TVP23C: variants seen among roughly 807,000 people sequenced by gnomAD.
TVP23C encodes the protein Golgi apparatus membrane protein TVP23 homolog C.
A neutral mutation model predicts 28.7 loss-of-function variants in TVP23C; 19 were observed. The ratio of observed to expected loss-of-function variants is 0.66; its 90% CI spans 0.46 to 0.97. The LOEUF is 0.97. TVP23C is among the 50% of genes least tolerant of loss of function. The probability of loss-of-function intolerance (pLI) is 0.00; values close to 1 mark genes in which losing one functional copy is unlikely to be tolerated. For synonymous variants in TVP23C, 68 were observed against 81.7 expected (o/e 0.83, Z 0.90); for missense variants, 186 against 241.3 (o/e 0.77, Z 1.52).
At chr17:15,544,806 G>C (rs1228194677) in intron 5 of TVP23C, among the ~76,000 whole-genome samples, 3 of 151,914 alleles carry the variant, frequency 2.0e-5, no homozygotes, top group South Asian at 2.1e-4. Context: ...TCCAAAGAAG[G>C]AAAGTATGAA....
In TVP23C at chr17:15,538,822, A is replaced by T. The variant is rs1206203620; in HGVS notation, c.*1590T>A. On this transcript the variant is annotated 3_prime_UTR_variant, in exon 6 of 6. Coordinates refer to ENST00000518321, the MANE Select transcript of TVP23C (RefSeq NM_001135036.2). ...CTAACGAAAAAAACCTAATAAGCAC[A>T]TACATGAAAGTTACCCTAAGGTGGA... 4.1e-6 allele frequency: 4 copies of T among 985,300 alleles called. No individual in the cohort carries two copies. Among genetic ancestry groups the T allele is most frequent in the Non-Finnish European group, 2.4e-6 (2 of 829,940 alleles). The allele number at this position is 985,300 out of a possible 1,614,324, so 61.0% of individuals were successfully genotyped here. A position where few individuals can be genotyped will look rare whatever the true frequency, so the allele number is the denominator to read the frequency against.
At chr17:15,505,379 C>T (rs1287919153) in intron 5 of TVP23C, among the ~76,000 whole-genome samples, 1 of 152,180 alleles carries the variant, frequency 6.6e-6, no homozygotes, top group African/African-American at 2.4e-5. Context: ...CAGGCAGTGA[C>T]GCCTACTGGT....
chr17:15,503,835 C>T (rs185307924), intron 5 of TVP23C, among the ~76,000 whole-genome samples: 1 of 151,790 alleles, frequency 6.6e-6, no homozygotes, highest in Non-Finnish European at 1.5e-5. Context: ...CTATCCCAAA[C>T]AGAAGGAAGC....
chr17:15,553,926 A>T, intron 2 of TVP23C, 97 bp from the exon 3 acceptor site: 1 of 1,579,078 alleles, frequency 6.3e-7, no homozygotes, highest in African/African-American at 1.4e-5. Flanking sequence ...GTAACTGTGA[A>T]GAGTTTTGTC....
At chr17:15,544,411 T>C (rs531259530) in intron 5 of TVP23C, among the ~76,000 whole-genome samples, 2 of 152,164 alleles carry the variant, frequency 1.3e-5, no homozygotes, top group African/African-American at 4.8e-5. Context: ...TTATAAAACT[T>C]GGTAACACAA....
chr17:15,511,206 G>T (rs983509411), intron 5 of TVP23C, among the ~76,000 whole-genome samples: 1 of 152,050 alleles, frequency 6.6e-6, no homozygotes, highest in Admixed American at 6.6e-5. Context: ...GAGGTTTTAT[G>T]AAAATAAAAT....
At chr17:15,528,348 C>A (rs549089280) in intron 5 of TVP23C, among the ~76,000 whole-genome samples, 2 of 151,642 alleles carry the variant, frequency 1.3e-5, no homozygotes, top group Non-Finnish European at 3.0e-5. Flanking sequence ...GTGATTTCTT[C>A]TTTGACCCAC....
rs1369210331 is a variant in TVP23C, at chr17:15,538,910, C to T, written c.*1502G>A. The T allele has an allele frequency of 2.0e-6, 2 of 985,710 alleles. No homozygotes were observed. The highest frequency in any genetic ancestry group is 2.4e-6 in the Non-Finnish European group (2 of 829,930). The allele number at this position is 985,710 out of a possible 1,614,324, so 61.1% of individuals were successfully genotyped here. Reference sequence around the variant, plus strand: ...TCAGAATGAGATGATCATGTCCCTACATGAATATTCATTTTCTCTACTTTT... The same window carrying T: ...TCAGAATGAGATGATCATGTCCCTATATGAATATTCATTTTCTCTACTTTT... On this transcript the variant is annotated 3_prime_UTR_variant, in exon 6 of 6. Transcript: ENST00000518321.
At chr17:15,523,454 G>A (rs1467602471) in intron 5 of TVP23C, among the ~76,000 whole-genome samples, 1 of 151,960 alleles carries the variant, frequency 6.6e-6, no homozygotes, top group Non-Finnish European at 1.5e-5. Context: ...GGGATTACAG[G>A]CACCCGCCAC....
At chr17:15,558,685 T>C (rs898404371) in intron 1 of TVP23C, among the ~76,000 whole-genome samples, 5 of 148,302 alleles carry the variant, frequency 3.4e-5, no homozygotes, top group Non-Finnish European at 7.5e-5. Context: ...CCCAGGTGTT[T>C]AGAAGCTGAA....
chr17:15,518,182 A>G (rs1478537065), intron 5 of TVP23C, among the ~76,000 whole-genome samples: 1 of 151,686 alleles, frequency 6.6e-6, no homozygotes, highest in Non-Finnish European at 1.5e-5. Flanking sequence ...AAAAAAAAAA[A>G]AAAAAAAGAA....
chr17:15,555,145 A>G lies in TVP23C; in HGVS notation c.95+137T>C, dbSNP rs999453384. The G allele has an allele frequency of 1.2e-5, 14 of 1,213,420 alleles. No individual in the cohort carries two copies. In the African/African-American group the frequency reaches 1.8e-4, roughly 16 times the overall value. The allele number at this position is 1,213,420 out of a possible 1,614,324, so 75.2% of individuals were successfully genotyped here. Reference sequence around the variant, plus strand: ...ATCTGAAATGTCATCTTTGTCTTACACTAAATGTTAAATTAGCAACATGCA... The same window carrying G: ...ATCTGAAATGTCATCTTTGTCTTACGCTAAATGTTAAATTAGCAACATGCA... On this transcript the variant is annotated intron_variant, in intron 2 of 5. Transcript: ENST00000518321.
At chr17:15,507,148 T>C in intron 5 of TVP23C, 1 of 809,680 alleles carries the variant, frequency 1.2e-6, no homozygotes, top group African/African-American at 1.7e-5. Flanking sequence ...GGTCCTGACA[T>C]CTTGTCCATG....
intron 2 of TVP23C, among the ~76,000 whole-genome samples, chr17:15,554,260 C>T (rs1437196584): frequency 8.1e-6 from 1 of 123,836 alleles, no homozygotes; most frequent in Non-Finnish European, 1.6e-5. Flanking sequence ...TTTTTTGAGA[C>T]GGAGTCTCGC....
intron 5 of TVP23C, among the ~76,000 whole-genome samples, chr17:15,521,264 G>A (rs145723047): frequency 0.057 from 8,740 of 152,154 alleles, 305 homozygotes; most frequent in Non-Finnish European, 0.072. Context: ...CAGCAGTTTG[G>A]GAGGTTGAGG....
At chr17:15,511,047 T>G (rs12325899) in intron 5 of TVP23C, among the ~76,000 whole-genome samples, 1 of 137,098 alleles carries the variant, frequency 7.3e-6, no homozygotes, top group Admixed American at 7.7e-5. Context: ...GGGCCAGACT[T>G]CGTCTCAAAA....
In TVP23C at chr17:15,540,352, T is replaced by C; in HGVS notation, c.*60A>G. 1 of 1,462,886 alleles carries C rather than the reference T, an allele frequency of 6.8e-7. No homozygotes were observed. Among genetic ancestry groups the C allele is most frequent in the Non-Finnish European group, 9.2e-7 (1 of 1,090,268 alleles). The allele number at this position is 1,462,886 out of a possible 1,614,324, so 90.6% of individuals were successfully genotyped here. A position where few individuals can be genotyped will look rare whatever the true frequency, so the allele number is the denominator to read the frequency against. On this transcript the variant is annotated 3_prime_UTR_variant, in exon 6 of 6. Coordinates refer to ENST00000518321, the MANE Select transcript of TVP23C (RefSeq NM_001135036.2). ...AACTATATGCCTTTAAAACTTCTGT[T>C]CAGGAGCGTTTCATAAAAATTAAAC...
intron 5 of TVP23C, among the ~76,000 whole-genome samples, chr17:15,506,074 G>C (rs1981723387): frequency 6.6e-6 from 1 of 152,260 alleles, no homozygotes; most frequent in South Asian, 2.1e-4. Flanking sequence ...AGGAGTGCGA[G>C]CGCACGGCGC....
At chr17:15,508,286 C>T (rs1981854481) in intron 5 of TVP23C, among the ~76,000 whole-genome samples, 1 of 152,206 alleles carries the variant, frequency 6.6e-6, no homozygotes, top group African/African-American at 2.4e-5. Context: ...AGCCACCCCA[C>T]CTGCCCCTCA....
Sources: allele counts gnomAD v4.1 joint callset (sites outside exome capture counted in the v4.1 genomes callset), GRCh38; gene constraint gnomAD v4.1.1; transcripts MANE v1.5; gene names NCBI Gene and HGNC (gene_info 2026-07-23, HGNC 2026-07-21).